Variants in CARMIL3 observed in about 807,000 individuals in gnomAD.
The protein encoded by CARMIL3 is capping protein regulator and myosin 1 linker 3.
In CARMIL3, 88 loss-of-function variants were observed where a neutral mutation model predicts 180.8. That is an observed-to-expected ratio of 0.49 (90% CI 0.41 to 0.58). The LOEUF (loss-of-function observed/expected upper bound fraction) is 0.58. CARMIL3 is among the 20% of genes least tolerant of loss of function. The pLI, the probability that CARMIL3 is intolerant of heterozygous loss-of-function variation, is 0.00. For missense variants in CARMIL3, 1,548 were observed against 1,787.0 expected, an observed-to-expected ratio of 0.87 and a Z score of 2.41; for synonymous variants, 696 against 714.5, an observed-to-expected ratio of 0.97 and a Z score of 0.41.
intron 10 of CARMIL3, 135 bp from the exon 11 acceptor site, chr14:24,056,164 C>T: frequency 1.5e-6 from 1 of 687,224 alleles, no homozygotes; most frequent in South Asian, 1.8e-5. Flanking sequence ...CTGGCAGGCC[C>T]TGAGCTGTTC....
chr14:24,061,609 C>T lies in CARMIL3; in HGVS notation c.2417C>T (p.Pro806Leu). 1 of 1,613,906 alleles carries T rather than the reference C, an allele frequency of 6.2e-7. No homozygotes were observed. The highest frequency in any genetic ancestry group is 8.5e-7 in the Non-Finnish European group (1 of 1,179,992). The change falls in exon 27 of 40, where the codon CCC becomes CTC. Residue 806 changes from proline (P) to leucine (L), a missense_variant. Coordinates refer to ENST00000342740, the MANE Select transcript of CARMIL3 (RefSeq NM_138360.4). The surrounding 1 kb of genome is among the most constrained non-coding windows in gnomAD (Gnocchi z 4.1). Reference protein sequence around the residue: ...LSNVAERVTVPRNFIRGALLE... With the variant: ...LSNVAERVTVLRNFIRGALLE... ...AATGTGGCGGAGCGTGTCACTGTGC[C>T]CCGGAACTTCATCCGAGGGGCACTG...
chr14:24,065,076 G>A lies in CARMIL3; in HGVS notation c.3199G>A (p.Asp1067Asn). The change falls in exon 33 of 40, where the codon GAC (aspartate) becomes AAC (asparagine). Residue 1067 changes from aspartate to asparagine, a missense_variant. Around this residue, in one of 4 missense-constraint regions of CARMIL3, gnomAD observed 668 missense variants for 687.8 expected, o/e 0.97. Coordinates refer to ENST00000342740, the MANE Select transcript of CARMIL3 (RefSeq NM_138360.4). ...HFRRPRSFKGDRGPGSPTTGL... is the reference protein window; with the variant it reads ...HFRRPRSFKGNRGPGSPTTGL... Reference sequence around the variant, plus strand: ...TCGCCGGCCCCGGAGCTTCAAGGGGGACAGGGGGCCGGGGTCCCCTACCAC... The same window carrying A: ...TCGCCGGCCCCGGAGCTTCAAGGGGAACAGGGGGCCGGGGTCCCCTACCAC... 3 of 1,593,696 alleles carry A rather than the reference G, an allele frequency of 1.9e-6. No homozygotes were observed. Among genetic ancestry groups the A allele is most frequent in the East Asian group, 2.2e-5 (1 of 44,544 alleles).
At chr14:24,064,177 C>T in intron 31 of CARMIL3, 69 bp from the exon 32 acceptor site, 1 of 1,020,970 alleles carries the variant, frequency 9.8e-7, no homozygotes, top group East Asian at 2.6e-5. Context: ...AAGGGGAATG[C>T]TCTGAGTGGA....
Position 24,063,124 on chromosome 14 carries a change from C to T in CARMIL3, c.2711C>T (p.Thr904Ile), listed in dbSNP as rs201164194. ...CACTCGTCTTCATTTCTGCAGGACA[C>T]CATGGCCATCAAAAAGCAGAAACGC... is the stretch of plus-strand genomic sequence containing the variant. ...TDDELGTNID[T>I]MAIKKQKRCR... Residue 904 changes from threonine (T) to isoleucine (I), a missense_variant, in exon 30 of 40, where the codon ACC (threonine) becomes ATC (isoleucine). Thr to Ile is a moderately conservative substitution (Grantham distance 89). Coordinates refer to ENST00000342740, the MANE Select transcript of CARMIL3 (RefSeq NM_138360.4). 3.7e-6 allele frequency: 6 copies of T among 1,613,210 alleles called. No homozygotes were observed. Among genetic ancestry groups the T allele is most frequent in the Non-Finnish European group, 5.1e-6 (6 of 1,179,328 alleles).
At position 24,066,404 on chromosome 14, in the gene CARMIL3, G is replaced by A. The variant is rs1372870707; in HGVS notation, c.3532G>A (p.Gly1178Ser). 1 of 1,614,190 alleles carries A rather than the reference G, an allele frequency of 6.2e-7. No individual in the cohort carries two copies. The highest frequency in any genetic ancestry group is 8.5e-7 in the Non-Finnish European group (1 of 1,180,016). Reference protein sequence around the residue: ...WSFDGKREGPGPDQEGSTQAW... With the variant: ...WSFDGKREGPSPDQEGSTQAW... The stretch of plus-strand genomic sequence containing the variant: ...TGACCCACTGTTCTTTCAGGGCCCA[G>A]GCCCAGACCAGGAGGGCAGCACCCA... Residue 1178 changes from glycine (G) to serine (S), a missense_variant, in exon 35 of 40, where the codon GGC becomes AGC. Physicochemically the swap from Gly to Ser is moderately conservative, Grantham distance 56. This residue lies in a region of CARMIL3 where 668 missense variants were observed against 687.8 expected (regional missense o/e 0.97). Transcript: ENST00000342740.
chr14:24,066,646 A>G lies in CARMIL3; in HGVS notation c.3672A>G (p.Thr1224=), dbSNP rs780522919. The G allele has an allele frequency of 3.7e-6, 6 of 1,614,176 alleles. No individual in the cohort carries two copies. Among genetic ancestry groups the G allele is most frequent in the South Asian group, 2.2e-5 (2 of 91,076 alleles). The part of the protein sequence containing the change: ...SFSAMRRAEA[T]WHIAEESAPN... ...GCGCCATGCGCAGAGCAGAGGCCACATGGCACATAGGTATGGAAAGCCTCT... is the reference window on the plus strand; with the variant it reads ...GCGCCATGCGCAGAGCAGAGGCCACGTGGCACATAGGTATGGAAAGCCTCT... The change falls in exon 36 of 40, where the codon ACA becomes ACG. Residue 1224 remains threonine, a synonymous_variant. Coordinates refer to ENST00000342740, the MANE Select transcript of CARMIL3 (RefSeq NM_138360.4).
Position 24,062,524 on chromosome 14 carries a change from T to C in CARMIL3, c.2525T>C (p.Val842Ala), listed in dbSNP as rs1390207530. ...GTCACCTACCTAACCAGCTCCATAG[T>C]GGATGAGATCCTGCAAGAGCTCTAC... The part of the protein sequence containing the change: ...SVVTYLTSSI[V>A]DEILQELYHS... Residue 842 changes from valine to alanine, a missense_variant, in exon 28 of 40, where the codon GTG becomes GCG. By Grantham distance (64) the Val-to-Ala change is moderately conservative. This residue lies in a region of CARMIL3 where 297 missense variants were observed against 415.9 expected (regional missense o/e 0.71). Transcript: ENST00000342740. The C allele has an allele frequency of 3.7e-6, 6 of 1,614,226 alleles. No individual in the cohort carries two copies. The highest frequency in any genetic ancestry group is 5.1e-6 in the Non-Finnish European group (6 of 1,180,034).
intron 7 of CARMIL3, 36 bp from the exon 8 acceptor site, chr14:24,055,201 T>TGGGGAG (rs774526630): frequency 1.2e-6 from 2 of 1,613,862 alleles, no homozygotes; most frequent in South Asian, 2.2e-5. Context: ...AAGAAGGAAG[T>TGGGGAG]GGGGAGCAGG....
Position 24,063,315 on chromosome 14 carries a change from G to C in CARMIL3, c.2771-10G>C. 1 of 1,594,380 alleles carries C rather than the reference G, an allele frequency of 6.3e-7. No individual in the cohort carries two copies. Among genetic ancestry groups the C allele is most frequent in the Non-Finnish European group, 8.6e-7 (1 of 1,166,428 alleles). On this transcript the variant is annotated splice_polypyrimidine_tract_variant and intron_variant, in intron 30 of 39. Coordinates refer to ENST00000342740, the MANE Select transcript of CARMIL3 (RefSeq NM_138360.4). ...CTCTGCTAGTCCCTCTAATGCTGCT[G>C]TCTTTGCAGGCGGGAGCCCTCAGGA... is the stretch of plus-strand genomic sequence containing the variant.
rs1210896330 is a variant in CARMIL3 at position 24,063,313 on chromosome 14, CTGTCTTTG to C, written c.2771-11_2771-4del. The C allele has an allele frequency of 6.3e-7, 1 of 1,593,996 alleles. No individual in the cohort carries two copies. The highest frequency in any genetic ancestry group is 8.6e-7 in the Non-Finnish European group (1 of 1,166,208). ...TCCTCTGCTAGTCCCTCTAATGCTG[CTGTCTTTG>C]CAGGCGGGAGCCCTCAGGACATGGA... On this transcript the variant is annotated splice_region_variant and splice_polypyrimidine_tract_variant and intron_variant, in intron 30 of 39. Coordinates refer to ENST00000342740, the MANE Select transcript of CARMIL3 (RefSeq NM_138360.4).
intron 1 of CARMIL3, among the ~76,000 whole-genome samples, chr14:24,052,490 C>T (rs1304662401): frequency 6.6e-6 from 1 of 152,176 alleles, no homozygotes; most frequent in East Asian, 1.9e-4. Flanking sequence ...CCTAGCCCAC[C>T]CTCGGCGAAG....
chr14:24,063,414 G>A lies in CARMIL3; in HGVS notation c.2860G>A (p.Ala954Thr), dbSNP rs1045947156. ...FSGLGGSQPT[A>T]SGSWEGLSEL... Reference sequence around the variant, plus strand: ...AGGACTTGGGGGCAGCCAGCCCACAGCTAGTGGCTCCTGGGAAGGTCTATC... The same window carrying A: ...AGGACTTGGGGGCAGCCAGCCCACAACTAGTGGCTCCTGGGAAGGTCTATC... The change falls in exon 31 of 40, where the codon GCT becomes ACT. Residue 954 changes from alanine (A) to threonine (T), a missense_variant. Around this residue, in one of 4 missense-constraint regions of CARMIL3, gnomAD observed 668 missense variants for 687.8 expected, o/e 0.97. Coordinates refer to ENST00000342740, the MANE Select transcript of CARMIL3 (RefSeq NM_138360.4). 3.1e-6 allele frequency: 5 copies of A among 1,613,796 alleles called. No individual in the cohort carries two copies. Among genetic ancestry groups the A allele is most frequent in the Middle Eastern group, 1.6e-4 (1 of 6,084 alleles).
Position 24,054,238 on chromosome 14 carries a change from CT to C in CARMIL3, c.187-3del. ...CAGGAGCTGAGCATCTCCATCCCTC[CT>C]AGGTGGAGAGCTCCTTCAATGTCCT... On this transcript the variant is annotated splice_region_variant and splice_polypyrimidine_tract_variant and intron_variant, in intron 3 of 39. Coordinates refer to ENST00000342740, the MANE Select transcript of CARMIL3 (RefSeq NM_138360.4). The surrounding 1 kb of genome is among the most constrained non-coding windows in gnomAD (Gnocchi z 5.1). 6.2e-7 allele frequency: 1 copy of C among 1,614,118 alleles called. No individual in the cohort carries two copies. Among genetic ancestry groups the C allele is most frequent in the South Asian group, 1.1e-5 (1 of 91,084 alleles).
rs1951637 is a variant in CARMIL3, at chr14:24,060,428, T to G, written c.2061+173T>G. 0.25 allele frequency among the ~76,000 whole-genome samples: 38,776 copies of G among 152,076 alleles called. 5,064 individuals carry two copies. The highest frequency in any genetic ancestry group is 0.4 in the East Asian group (2,075 of 5,170). On this transcript the variant is annotated intron_variant, in intron 24 of 39. Coordinates refer to ENST00000342740, the MANE Select transcript of CARMIL3 (RefSeq NM_138360.4). The stretch of plus-strand genomic sequence containing the variant: ...ATGCAGGATATGGGCTTCAAACATA[T>G]GTGGGCGAACAGCAGGAGTGCACAG...
In CARMIL3 at chr14:24,058,166, AGG is replaced by A. The variant is rs778305949; in HGVS notation, c.1336_1337del (p.Gly446ProfsTer9). 2.5e-6 allele frequency: 4 copies of A among 1,613,852 alleles called. No homozygotes were observed. Among genetic ancestry groups the A allele is most frequent in the Non-Finnish European group, 2.5e-6 (3 of 1,179,986 alleles). On this transcript the variant is annotated frameshift_variant, in exon 17 of 40. Coordinates refer to ENST00000342740, the MANE Select transcript of CARMIL3 (RefSeq NM_138360.4). LOFTEE classifies it high-confidence loss of function. This position sits in a 1 kb window ranked among gnomAD's most constrained non-coding sequence, Gnocchi z 6.4. ...CCTCCCTCCCACAGGGCGCTGCTTC[AGG>A]GCCTCTCCCTCAACAGTCACCTCAG... is the stretch of plus-strand genomic sequence containing the variant.
Position 24,058,284 on chromosome 14 carries a change from T to C in CARMIL3, c.1392+60T>C, listed in dbSNP as rs1345176411. On this transcript the variant is annotated intron_variant, in intron 17 of 39. Transcript: ENST00000342740. This position sits in a 1 kb window ranked among gnomAD's most constrained non-coding sequence, Gnocchi z 6.4. ...CCGATCCATGTGCATTTCTCAGACCTAAGTCAAACCCTGGCTCCATCTAGC... is the reference window on the plus strand; with the variant it reads ...CCGATCCATGTGCATTTCTCAGACCCAAGTCAAACCCTGGCTCCATCTAGC... 8 of 1,547,986 alleles carry C rather than the reference T, an allele frequency of 5.2e-6. No homozygotes were observed. In the East Asian group the frequency reaches 1.7e-4, roughly 32 times the overall value.
Position 24,058,331 on chromosome 14 carries a change from C to T in CARMIL3, c.1392+107C>T. ...TAGCCTCTGTGCTGACCCTCTGCGA[C>T]CCCCTGACCTGGCCACACCACCACT... On this transcript the variant is annotated intron_variant, in intron 17 of 39. Transcript: ENST00000342740. The surrounding 1 kb of genome is among the most constrained non-coding windows in gnomAD (Gnocchi z 6.4). The T allele has an allele frequency of 8.1e-7, 1 of 1,238,322 alleles. No individual in the cohort carries two copies. Among genetic ancestry groups the T allele is most frequent in the Non-Finnish European group, 1.1e-6 (1 of 883,554 alleles). 76.7% of individuals were successfully genotyped at this position (1,238,322 alleles called of 1,614,324 possible).
intron 8 of CARMIL3, 106 bp downstream of exon 8, chr14:24,055,416 C>G: frequency 6.8e-7 from 1 of 1,481,480 alleles, no homozygotes; most frequent in Non-Finnish European, 9.4e-7. Context: ...CTCTATCTCC[C>G]CAACTCCATC....
At position 24,069,244 on chromosome 14, in the gene CARMIL3, A is replaced by T; in HGVS notation, c.4090A>T (p.Thr1364Ser). The T allele has an allele frequency of 6.2e-7, 1 of 1,613,894 alleles. No individual in the cohort carries two copies. Among genetic ancestry groups the T allele is most frequent in the Non-Finnish European group, 8.5e-7 (1 of 1,179,940 alleles). ...TGATAGAAGACGGCCTCCTGACCCC[A>T]CAGGTGCTGGTGGTGAGAGGGCAGG... ...EPDRRRPPDP[T>S]GTSEPGTD Residue 1364 changes from threonine to serine, a missense_variant, in exon 39 of 40, where the codon ACA (threonine) becomes TCA (serine). Thr to Ser is a moderately conservative substitution (Grantham distance 58). Coordinates refer to ENST00000342740, the MANE Select transcript of CARMIL3 (RefSeq NM_138360.4).
Sources: allele counts gnomAD v4.1 joint callset (sites outside exome capture counted in the v4.1 genomes callset), GRCh38; gene constraint gnomAD v4.1.1; regional missense constraint gnomAD v4.1.1; non-coding constraint Gnocchi (gnomAD v3.1); transcripts MANE v1.5; gene names NCBI Gene and HGNC (gene_info 2026-07-23, HGNC 2026-07-21).